KLHL2: variants seen among roughly 807,000 people sequenced by gnomAD.
KLHL2 encodes kelch like family member 2, also known as kelch-like protein 2.
A neutral mutation model predicts 75.8 loss-of-function variants in KLHL2; 15 were observed. The observed-to-expected ratio is 0.20, with a 90% confidence interval of 0.13 to 0.30. KLHL2 has a LOEUF of 0.30. Ranked by LOEUF, KLHL2 falls within the 10% of genes least tolerant of loss-of-function variation. The pLI, the probability that KLHL2 is intolerant of heterozygous loss-of-function variation, is 1.00. For synonymous variants in KLHL2, 214 were observed against 251.9 expected, an observed-to-expected ratio of 0.85 and a Z score of 1.42; for missense variants, 381 against 741.0, an observed-to-expected ratio of 0.51 and a Z score of 5.64.
intron 5 of KLHL2, chr4:165,278,166 C>A: frequency 2.1e-6 from 3 of 1,409,994 alleles, no homozygotes; most frequent in Non-Finnish European, 3.0e-6. Flanking sequence ...TCACTTTCCT[C>A]AGCATTAATC....
At chr4:165,297,538 C>A in intron 6 of KLHL2, 71 bp from the exon 7 acceptor site, 1 of 874,020 alleles carries the variant, frequency 1.1e-6, no homozygotes, top group Non-Finnish European at 2.0e-6. Flanking sequence ...AAAATGTAGT[C>A]TCATATTTTA....
At chr4:165,238,065 C>G (rs1409716208) in intron 3 of KLHL2, among the ~76,000 whole-genome samples, 1 of 152,106 alleles carries the variant, frequency 6.6e-6, no homozygotes, top group African/African-American at 2.4e-5. Flanking sequence ...TAGAAGGATA[C>G]CTGGTTTTAG....
intron 5 of KLHL2, among the ~76,000 whole-genome samples, chr4:165,264,678 A>ATGTGTG (rs1202309635): frequency 3.1e-5 from 2 of 64,814 alleles, no homozygotes; most frequent in Admixed American, 4.7e-4. Context: ...ACATACGTAT[A>ATGTGTG]TGTATGTGTG....
chr4:165,280,065 A>AT, intron 5 of KLHL2, among the ~76,000 whole-genome samples: 1 of 152,028 alleles, frequency 6.6e-6, no homozygotes, highest in Non-Finnish European at 1.5e-5. Context: ...TTCGGACTAG[A>AT]TGTGTGCCTT....
At chr4:165,311,027 T>C (rs1049476038) in intron 10 of KLHL2, among the ~76,000 whole-genome samples, 5 of 152,014 alleles carry the variant, frequency 3.3e-5, no homozygotes, top group African/African-American at 1.2e-4. Flanking sequence ...GCTAATTTTT[T>C]TTGTATTTTT....
intron 5 of KLHL2, among the ~76,000 whole-genome samples, chr4:165,287,558 G>A (rs767047785): frequency 7.0e-6 from 1 of 142,366 alleles, no homozygotes; most frequent in African/African-American, 2.7e-5. Flanking sequence ...TTAATTTTTC[G>A]AGTAACCTCC....
At chr4:165,299,330 T>C (rs1438589488) in intron 7 of KLHL2, among the ~76,000 whole-genome samples, 177 bp from the exon 8 acceptor site, 2 of 152,182 alleles carry the variant, frequency 1.3e-5, no homozygotes, top group African/African-American at 4.8e-5. Context: ...TACTTGAGCA[T>C]TTTTTGGTTA....
chr4:165,311,809 C>CTG (rs60870309), intron 11 of KLHL2, among the ~76,000 whole-genome samples: 10,095 of 144,706 alleles, frequency 0.07, 320 homozygotes, highest in South Asian at 0.1. Flanking sequence ...TCCTTTCTCT[C>CTG]TGTGTGTGTG....
At chr4:165,297,790 A>G in intron 7 of KLHL2, 65 bp downstream of exon 7, 1 of 950,638 alleles carries the variant, frequency 1.1e-6, no homozygotes, top group South Asian at 1.3e-5. Flanking sequence ...CAGCATGTAG[A>G]TCCCTATCAA....
intron 1 of KLHL2, among the ~76,000 whole-genome samples, chr4:165,217,807 C>T (rs1737651762): frequency 6.6e-6 from 1 of 152,130 alleles, no homozygotes; most frequent in African/African-American, 2.4e-5. Flanking sequence ...CTCTAGACTC[C>T]AATATTTATC....
intron 11 of KLHL2, 124 bp downstream of exon 11, chr4:165,311,689 T>C (rs1746197250): frequency 5.8e-6 from 4 of 687,404 alleles, no homozygotes; most frequent in Admixed American, 2.7e-5. Context: ...AGAAAAGTCG[T>C]AATTACTGTA....
At chr4:165,295,629 T>C (rs959243097) in intron 6 of KLHL2, among the ~76,000 whole-genome samples, 2 of 152,188 alleles carry the variant, frequency 1.3e-5, no homozygotes, top group African/African-American at 4.8e-5. Flanking sequence ...ATGGGGATGG[T>C]AGTTCAACTT....
intron 2 of KLHL2, among the ~76,000 whole-genome samples, chr4:165,226,306 C>T (rs1320760174): frequency 3.3e-5 from 5 of 152,188 alleles, no homozygotes; most frequent in Non-Finnish European, 5.9e-5. Context: ...CCCACAGTTC[C>T]GCATTCTGCT....
chr4:165,223,189 T>G (rs868548807), intron 2 of KLHL2, among the ~76,000 whole-genome samples: 1 of 152,228 alleles, frequency 6.6e-6, no homozygotes, highest in Non-Finnish European at 1.5e-5. Context: ...ATGTAAACAA[T>G]GTATTCAACA....
intron 6 of KLHL2, among the ~76,000 whole-genome samples, chr4:165,297,339 A>G (rs1744991854): frequency 6.6e-6 from 1 of 152,202 alleles, no homozygotes; most frequent in Admixed American, 6.5e-5. Context: ...AAAGCCAAAC[A>G]TGAATTGTTT....
chr4:165,274,518 T>A (rs7699872), intron 5 of KLHL2, among the ~76,000 whole-genome samples: 68,489 of 150,830 alleles, frequency 0.45, 16,848 homozygotes, highest in African/African-American at 0.65. Context: ...CTGAGGCAGG[T>A]GAATGGCCTG....
At chr4:165,287,533 A>G (rs1744183904) in intron 5 of KLHL2, among the ~76,000 whole-genome samples, 1 of 151,990 alleles carries the variant, frequency 6.6e-6, no homozygotes, top group Non-Finnish European at 1.5e-5. Flanking sequence ...GTTGGATCAT[A>G]TGGTAGTTCT....
intron 1 of KLHL2, among the ~76,000 whole-genome samples, chr4:165,218,355 G>A (rs544169291): frequency 1.3e-5 from 2 of 152,090 alleles, no homozygotes; most frequent in Non-Finnish European, 2.9e-5. Flanking sequence ...AGCTGCATGG[G>A]TCACAGTTCC....
chr4:165,317,353 A>T (rs1045419564), intron 13 of KLHL2, among the ~76,000 whole-genome samples: 2 of 148,902 alleles, frequency 1.3e-5, no homozygotes, highest in African/African-American at 4.9e-5. Context: ...GTCTCCTAAT[A>T]TAGAAAGAAT....
Sources: allele counts gnomAD v4.1 joint callset (sites outside exome capture counted in the v4.1 genomes callset), GRCh38; gene constraint gnomAD v4.1.1; transcripts MANE v1.5; gene names NCBI Gene and HGNC (gene_info 2026-07-23, HGNC 2026-07-21).